The following PSMC1 variants were observed in gnomAD, a reference collection of about 807,000 sequenced individuals.
PSMC1 encodes the protein proteasome 26S subunit, ATPase 1, also known as 26S proteasome regulatory subunit 4.
In PSMC1, 5 loss-of-function variants were observed where a neutral mutation model predicts 49.8. The ratio of observed to expected loss-of-function variants is 0.10; its 90% CI spans 0.05 to 0.21. The LOEUF (loss-of-function observed/expected upper bound fraction) is 0.21. PSMC1 is among the 10% of genes least tolerant of loss of function. The pLI, the probability that PSMC1 is intolerant of heterozygous loss-of-function variation, is 1.00. For synonymous variants in PSMC1, 155 were observed against 192.1 expected, an observed-to-expected ratio of 0.81 and a Z score of 1.60; for missense variants, 181 against 535.7, an observed-to-expected ratio of 0.34 and a Z score of 6.54.
chr14:90,263,357 TAGAG>T lies in PSMC1; in HGVS notation c.198_201del (p.Arg67LeufsTer18). ...CAGTGCCGGTTAAAATTACTGAAGT[TAGAG>T]AGAATTAAAGACTATCTTCTCATGG... On this transcript the variant is annotated frameshift_variant, in exon 4 of 11. Transcript: ENST00000261303. LOFTEE classifies it high-confidence loss of function. 1 of 1,592,620 alleles carries T rather than the reference TAGAG, an allele frequency of 6.3e-7. No homozygotes were observed. The highest frequency in any genetic ancestry group is 8.5e-7 in the Non-Finnish European group (1 of 1,169,778).
chr14:90,257,902 T>C (rs577903611), intron 1 of PSMC1, among the ~76,000 whole-genome samples: 168 of 152,362 alleles, frequency 1.1e-3, no homozygotes, highest in African/African-American at 3.8e-3. Context: ...ATAGAGGTCT[T>C]ATACGGATTT....
At chr14:90,265,281 A>C in intron 7 of PSMC1, 115 bp downstream of exon 7, 1 of 691,594 alleles carries the variant, frequency 1.4e-6, no homozygotes, top group Non-Finnish European at 2.4e-6. Context: ...TTAGTTTAAA[A>C]CAGGGCTGCT....
intron 10 of PSMC1, 78 bp downstream of exon 10, chr14:90,270,430 T>C: frequency 6.7e-7 from 1 of 1,494,010 alleles, no homozygotes; most frequent in Non-Finnish European, 9.0e-7. Flanking sequence ...GCTCTTGGGA[T>C]GGTGGTTGGC....
At chr14:90,269,658 G>C in intron 9 of PSMC1, 110 bp downstream of exon 9, 1 of 1,230,474 alleles carries the variant, frequency 8.1e-7, no homozygotes, top group Non-Finnish European at 1.1e-6. Flanking sequence ...ATACTGCAGT[G>C]AAACTTAGGA....
At chr14:90,259,770 T>C (rs1349912379) in intron 2 of PSMC1, among the ~76,000 whole-genome samples, 1 of 151,966 alleles carries the variant, frequency 6.6e-6, no homozygotes, top group East Asian at 1.9e-4. Context: ...TACAGGTGCC[T>C]GCCACCACAC....
At chr14:90,264,202 A>G in intron 6 of PSMC1, 33 bp downstream of exon 6, 1 of 1,609,068 alleles carries the variant, frequency 6.2e-7, no homozygotes, top group Non-Finnish European at 8.5e-7. Flanking sequence ...TCTGGGTTTC[A>G]GTTTTGGTTT....
At chr14:90,271,318 A>G (rs921475570) in intron 10 of PSMC1, 1 of 152,214 alleles carries the variant, frequency 6.6e-6, no homozygotes, top group Non-Finnish European at 1.5e-5. Context: ...AGAAAACAAT[A>G]ACAGTAACCC....
Position 90,263,829 on chromosome 14 carries a change from G to C in PSMC1, c.447G>C (p.Ser149=), listed in dbSNP as rs747895509. 14 of 1,614,130 alleles carry C rather than the reference G, an allele frequency of 8.7e-6. No homozygotes were observed. Among genetic ancestry groups the C allele is most frequent in the East Asian group, 6.7e-5 (3 of 44,886 alleles). Reference sequence around the variant, plus strand: ...AGGATCTGCTGGAACCTGGCTGCTCGGTCCTGCTCAACCACAAGGTGAGGT... The same window carrying C: ...AGGATCTGCTGGAACCTGGCTGCTCCGTCCTGCTCAACCACAAGGTGAGGT... The part of the protein sequence containing the change: ...VDKDLLEPGC[S]VLLNHKVHAV... Residue 149 remains serine, a synonymous_variant, in exon 5 of 11, where the codon TCG becomes TCC. Coordinates refer to ENST00000261303, the MANE Select transcript of PSMC1 (RefSeq NM_002802.3).
intron 7 of PSMC1, 29 bp downstream of exon 7, chr14:90,265,195 C>A: frequency 6.7e-7 from 1 of 1,493,874 alleles, no homozygotes; most frequent in Admixed American, 1.7e-5. Flanking sequence ...ACTTTCCAGG[C>A]ACCCAGCTGG....
intron 9 of PSMC1, chr14:90,269,801 C>A (rs1891615892): frequency 2.4e-6 from 1 of 423,638 alleles, no homozygotes; most frequent in African/African-American, 2.0e-5. Context: ...TTTTTAGCCT[C>A]AAGAACTTGC....
At chr14:90,270,906 A>G (rs1891643927) in intron 10 of PSMC1, 1 of 152,292 alleles carries the variant, frequency 6.6e-6, no homozygotes, top group Non-Finnish European at 1.5e-5. Flanking sequence ...TTGGGCATAA[A>G]TGCCATGGTT....
chr14:90,257,112 C>T (rs575116875), intron 1 of PSMC1, among the ~76,000 whole-genome samples: 22 of 152,268 alleles, frequency 1.4e-4, no homozygotes, highest in African/African-American at 5.3e-4. Context: ...ACAGGCGGAG[C>T]TAAGACGGAA....
Position 90,272,366 on chromosome 14 carries a change from T to G in PSMC1, c.1282T>G (p.Tyr428Asp). 1 of 1,595,198 alleles carries G rather than the reference T, an allele frequency of 6.3e-7. No individual in the cohort carries two copies. Residue 428 changes from tyrosine (Y) to aspartate (D), a missense_variant, in exon 11 of 11, where the codon TAT (tyrosine) becomes GAT (aspartate). By Grantham distance (160) the Tyr-to-Asp change is radical. Around this residue, in one of 3 missense-constraint regions of PSMC1, gnomAD observed 60 missense variants for 155.5 expected, o/e 0.39. Transcript: ENST00000261303. The surrounding 1 kb of genome is among the most constrained non-coding windows in gnomAD (Gnocchi z 4.5). ...CAAAAAATCTAAAGAAAATGTTCTT[T>G]ATAAGAAACAGGAAGGCACCCCTGA... ...DFKKSKENVL[Y>D]KKQEGTPEGL...
rs1458501527 is a variant in PSMC1, at chr14:90,273,703, C to G, written c.*1296C>G. On this transcript the variant is annotated 3_prime_UTR_variant, in exon 11 of 11. Transcript: ENST00000261303. ...CTCTAAGGGAGAATCCGTTTCCTTGCTGAGGATTATTGTTGGCAGAATTTA... is the reference window on the plus strand; with the variant it reads ...CTCTAAGGGAGAATCCGTTTCCTTGGTGAGGATTATTGTTGGCAGAATTTA... 6.5e-6 allele frequency: 1 copy of G among 154,236 alleles called. No homozygotes were observed. Among genetic ancestry groups the G allele is most frequent in the East Asian group, 1.9e-4 (1 of 5,136 alleles). The allele number at this position is 154,236 out of a possible 1,614,324, so 9.6% of individuals were successfully genotyped here.
At chr14:90,263,632 G>C (rs1470522589) in intron 4 of PSMC1, 30 bp from the exon 5 acceptor site, 1 of 1,608,326 alleles carries the variant, frequency 6.2e-7, no homozygotes, top group Admixed American at 1.7e-5. Context: ...GGTCTAGTCT[G>C]CTTTTTTCCC....
intron 1 of PSMC1, 93 bp from the exon 2 acceptor site, chr14:90,259,067 G>A (rs1471547669): frequency 7.8e-6 from 9 of 1,151,144 alleles, no homozygotes; most frequent in Non-Finnish European, 1.1e-5. Flanking sequence ...GTTACTCACA[G>A]GACATGTTAT....
chr14:90,262,772 A>G (rs1280394615), intron 3 of PSMC1, among the ~76,000 whole-genome samples: 3 of 152,002 alleles, frequency 2.0e-5, no homozygotes, highest in Non-Finnish European at 4.4e-5. Flanking sequence ...CGACAGAGCA[A>G]CAAGACTCCG....
At chr14:90,262,513 C>G (rs907695083) in intron 3 of PSMC1, among the ~76,000 whole-genome samples, 2 of 152,130 alleles carry the variant, frequency 1.3e-5, no homozygotes, top group Non-Finnish European at 2.9e-5. Context: ...ACATATTTAT[C>G]TGTAAAAATG....
rs552965176 is a variant in PSMC1 at position 90,257,672 on chromosome 14, G to C, written c.3+1072G>C. Among the ~76,000 whole-genome samples the C allele has an allele frequency of 1.8e-4, 27 of 152,144 alleles. No homozygotes were observed. In the South Asian group the frequency reaches 5.2e-3, roughly 29 times the overall value. On this transcript the variant is annotated intron_variant, in intron 1 of 10. Transcript: ENST00000261303. ...CGTCCAGGCTGGAGTGCAGTGGCGC[G>C]ATCTCCGCCTCCCGGGTTCAAGCGA...
Sources: gnomAD v4.1 joint callset for allele counts (sites outside exome capture counted in the v4.1 genomes callset) on GRCh38, gnomAD v4.1.1 for gene constraint, gnomAD v4.1.1 regional missense constraint, Gnocchi (gnomAD v3.1) non-coding constraint, MANE v1.5 for transcripts, NCBI Gene and HGNC (gene_info 2026-07-23, HGNC 2026-07-21) for gene names.